The following MORN1 variants were observed in gnomAD, a reference collection of about 807,000 sequenced individuals.
The protein encoded by MORN1 is MORN repeat containing 1.
In MORN1, 67 loss-of-function variants were observed where a neutral mutation model predicts 61.9. The ratio of observed to expected loss-of-function variants is 1.08; its 90% CI spans 0.89 to 1.33. MORN1 has a LOEUF of 1.33. MORN1 is among the 40% of genes most tolerant of loss of function. MORN1 has a pLI of 0.00. For synonymous variants in MORN1, 301 were observed against 292.0 expected, an observed-to-expected ratio of 1.03 and a Z score of -0.31; for missense variants, 752 against 691.2, an observed-to-expected ratio of 1.09 and a Z score of -0.99.
Position 2,357,012 on chromosome 1 carries a change from C to G in MORN1, c.1036+420G>C, listed in dbSNP as rs1248668232. Among the ~76,000 whole-genome samples, 1 of 152,102 alleles carries G rather than the reference C, an allele frequency of 6.6e-6. No individual in the cohort carries two copies. The highest frequency in any genetic ancestry group is 1.5e-5 in the Non-Finnish European group (1 of 68,012). ...GCGGAGCAGCGGGAAACCCTGACCT[C>G]GAGAGAGCAGTCGGCGCCGCGGCCC... On this transcript the variant is annotated intron_variant, in intron 10 of 13. Transcript: ENST00000378531. The surrounding 1 kb of genome is among the most constrained non-coding windows in gnomAD (Gnocchi z 6.3).
chr1:2,341,517 C>T (rs1641394237), intron 10 of MORN1, among the ~76,000 whole-genome samples: 1 of 151,992 alleles, frequency 6.6e-6, no homozygotes, highest in Admixed American at 6.6e-5. Context: ...ATAGTGAAAC[C>T]CCGTCTCTAC....
intron 12 of MORN1, among the ~76,000 whole-genome samples, chr1:2,327,243 CAG>C (rs1277696869): frequency 6.7e-6 from 1 of 150,010 alleles, no homozygotes; most frequent in Admixed American, 6.6e-5. Flanking sequence ...CAGAAACACA[CAG>C]AAACACACAG....
chr1:2,348,701 GCACA>G (rs1557876254), intron 10 of MORN1, among the ~76,000 whole-genome samples: 34 of 125,318 alleles, frequency 2.7e-4, no homozygotes, highest in South Asian at 5.1e-4. Context: ...ACACACGCAC[GCACA>G]CGCACACCTG....
intron 4 of MORN1, chr1:2,387,081 C>T (rs1642514846): frequency 2.9e-6 from 1 of 347,250 alleles, no homozygotes. Context: ...AGACCAGAAG[C>T]CCCTCCCTGC....
intron 9 of MORN1, among the ~76,000 whole-genome samples, chr1:2,358,384 G>A (rs1641822021): frequency 6.6e-6 from 1 of 152,154 alleles, no homozygotes; most frequent in South Asian, 2.1e-4. Context: ...CCAGGGGCTC[G>A]CGGTCTCAGA....
rs112900536 is a variant in MORN1, at chr1:2,374,258, G to A, written c.634+203C>T. ...CCCCAGACACTCAGGCCCCAAGTCC[G>A]GGAAGCCCCACTTGCAGCAGGACCA... On this transcript the variant is annotated intron_variant, in intron 7 of 13. Transcript: ENST00000378531. 3.3e-5 allele frequency among the ~76,000 whole-genome samples: 5 copies of A among 152,240 alleles called. No individual in the cohort carries two copies. In the South Asian group the frequency reaches 8.3e-4, roughly 25 times the overall value.
In MORN1 at chr1:2,337,148, A is replaced by G. The variant is rs1641298403; in HGVS notation, c.1037-298T>C. ...CGCTTTGCAGTGGGAAGGGTCTCCC[A>G]TCAGCAGCCCCCGTCAGCCGAGGCA... is the stretch of plus-strand genomic sequence containing the variant. On this transcript the variant is annotated intron_variant, in intron 10 of 13. Transcript: ENST00000378531. The surrounding 1 kb of genome is among the most constrained non-coding windows in gnomAD (Gnocchi z 5.7). 6.6e-6 allele frequency among the ~76,000 whole-genome samples: 1 copy of G among 152,110 alleles called. No homozygotes were observed. The highest frequency in any genetic ancestry group is 2.4e-5 in the African/African-American group (1 of 41,404).
chr1:2,333,827 G>A (rs1040858715), intron 12 of MORN1, among the ~76,000 whole-genome samples: 13 of 152,256 alleles, frequency 8.5e-5, no homozygotes, highest in African/African-American at 3.1e-4. Context: ...CACAGCGAGG[G>A]TTCCTTGAAT....
intron 6 of MORN1, chr1:2,379,024 C>G (rs569332509): frequency 1.7e-5 from 8 of 470,794 alleles, no homozygotes; most frequent in Non-Finnish European, 3.1e-5. Flanking sequence ...TTCTAGAATG[C>G]ATTTTTAAAA....
At chr1:2,339,644 C>T (rs1376492188) in intron 10 of MORN1, among the ~76,000 whole-genome samples, 3 of 152,162 alleles carry the variant, frequency 2.0e-5, no homozygotes, top group Non-Finnish European at 4.4e-5. Context: ...CCCCGCCAGG[C>T]CCCAGTGTCT....
chr1:2,337,205 C>T lies in MORN1; in HGVS notation c.1037-355G>A, dbSNP rs1158577513. Among the ~76,000 whole-genome samples, 1 of 152,208 alleles carries T rather than the reference C, an allele frequency of 6.6e-6. No individual in the cohort carries two copies. The highest frequency in any genetic ancestry group is 6.5e-5 in the Admixed American group (1 of 15,286). On this transcript the variant is annotated intron_variant, in intron 10 of 13. Transcript: ENST00000378531. This position sits in a 1 kb window ranked among gnomAD's most constrained non-coding sequence, Gnocchi z 5.7. The stretch of plus-strand genomic sequence containing the variant: ...TCCAGGGTAGGGCCGGGACCGGGGC[C>T]CTGGCCGGAGAGGCTGGCGCTCAAC...
chr1:2,367,168 G>A (rs917730917), intron 8 of MORN1, among the ~76,000 whole-genome samples: 2 of 152,036 alleles, frequency 1.3e-5, no homozygotes, highest in Non-Finnish European at 2.9e-5. Context: ...TATGAGGACA[G>A]CATTACCTTG....
chr1:2,391,073 C>G (rs1013565307), intron 1 of MORN1, among the ~76,000 whole-genome samples: 5 of 152,246 alleles, frequency 3.3e-5, no homozygotes, highest in Non-Finnish European at 1.5e-5. Context: ...CAGCACCGGC[C>G]AGGAAGTCAG....
chr1:2,321,290 C>G lies in MORN1; in HGVS notation c.*93G>C. 4.0e-6 allele frequency: 4 copies of G among 996,670 alleles called. No homozygotes were observed. In the South Asian group the frequency reaches 7.0e-5, roughly 17 times the overall value. The allele number at this position is 996,670 out of a possible 1,614,324, so 61.7% of individuals were successfully genotyped here. A position where few individuals can be genotyped will look rare whatever the true frequency, so the allele number is the denominator to read the frequency against. On this transcript the variant is annotated 3_prime_UTR_variant, in exon 14 of 14. Coordinates refer to ENST00000378531, the MANE Select transcript of MORN1 (RefSeq NM_024848.3). ...AGCATTTTATTCAAGCCAGCAACCA[C>G]GGGGCTCTGGAGAATCGGGGAGCAG...
intron 6 of MORN1, among the ~76,000 whole-genome samples, chr1:2,384,205 T>C (rs1642435259): frequency 6.6e-6 from 1 of 152,206 alleles, no homozygotes; most frequent in Non-Finnish European, 1.5e-5. Context: ...CAGGCCCCAC[T>C]GTCCATCCAA....
rs142669586 is a variant in MORN1, at chr1:2,390,580, T to G, written c.77-584A>C. On this transcript the variant is annotated intron_variant, in intron 1 of 13. Coordinates refer to ENST00000378531, the MANE Select transcript of MORN1 (RefSeq NM_024848.3). ...TCCCTACCAGCTCCTCAGGCACATT[T>G]TGTGGGCAGGGTTTATGGGAAAATG... is the stretch of plus-strand genomic sequence containing the variant. The G allele has an allele frequency of 6.4e-4, 633 of 985,298 alleles. No individual in the cohort carries two copies. The African/African-American group carries it at 6.6e-3, about 10-fold the overall frequency. 61.0% of individuals were successfully genotyped at this position (985,298 alleles called of 1,614,324 possible). A position where few individuals can be genotyped will look rare whatever the true frequency, so the allele number is the denominator to read the frequency against.
chr1:2,391,368 G>T, intron 1 of MORN1, 90 bp downstream of exon 1: 2 of 1,228,660 alleles, frequency 1.6e-6, no homozygotes, highest in South Asian at 8.0e-5. Flanking sequence ...TTTCCGAGGT[G>T]AGCATTTGGG....
rs149822689 is a variant in MORN1 at position 2,337,869 on chromosome 1, C to T, written c.1037-1019G>A. Among the ~76,000 whole-genome samples, 44 of 152,234 alleles carry T rather than the reference C, an allele frequency of 2.9e-4. No homozygotes were observed. The highest frequency in any genetic ancestry group is 6.0e-4 in the Non-Finnish European group (41 of 68,010). ...GCTTTAGGGCCACAGATGAGTGTCC[C>T]CACCAGGCAGTGACACCATCAAAAA... On this transcript the variant is annotated intron_variant, in intron 10 of 13. Transcript: ENST00000378531. The surrounding 1 kb of genome is among the most constrained non-coding windows in gnomAD (Gnocchi z 5.7).
At chr1:2,388,209 A>G in intron 3 of MORN1, 30 bp downstream of exon 3, 1 of 1,554,876 alleles carries the variant, frequency 6.4e-7, no homozygotes, top group Non-Finnish European at 8.9e-7. Flanking sequence ...ATGAGAAAGG[A>G]GTGAATGTGC....
Sources: gnomAD v4.1 joint callset for allele counts (sites outside exome capture counted in the v4.1 genomes callset) on GRCh38, gnomAD v4.1.1 for gene constraint, Gnocchi (gnomAD v3.1) non-coding constraint, MANE v1.5 for transcripts, NCBI Gene and HGNC (gene_info 2026-07-23, HGNC 2026-07-21) for gene names.